Variants in FRYL observed in about 807,000 individuals in gnomAD.
The protein encoded by FRYL is protein furry homolog-like.
FRYL carries 150 observed loss-of-function variants against 351.2 expected under a neutral mutation model. The observed-to-expected ratio is 0.43, with a 90% CI of 0.37 to 0.49. The LOEUF is 0.49. Ranked by LOEUF, FRYL falls within the 20% of genes least tolerant of loss-of-function variation. The pLI is 0.00. For synonymous variants in FRYL, 1,153 were observed against 1,257.1 expected (o/e 0.92, Z 1.75); for missense variants, 3,036 against 3,619.3 (o/e 0.84, Z 4.13).
intron 7 of FRYL, among the ~76,000 whole-genome samples, chr4:48,612,714 G>C (rs1184919206): frequency 6.6e-6 from 1 of 151,834 alleles, no homozygotes; most frequent in Non-Finnish European, 1.5e-5. Flanking sequence ...AAGTAGCTGG[G>C]ACTACAGGCG....
chr4:48,764,145 G>A (rs1774703765), intron 1 of FRYL, among the ~76,000 whole-genome samples: 1 of 152,180 alleles, frequency 6.6e-6, no homozygotes, highest in South Asian at 2.1e-4. Flanking sequence ...ACTCCAGCCT[G>A]TGTGACAGAG....
intron 3 of FRYL, among the ~76,000 whole-genome samples, chr4:48,684,230 AC>A (rs1764940955): frequency 6.6e-6 from 1 of 152,172 alleles, no homozygotes; most frequent in Non-Finnish European, 1.5e-5. Context: ...ATGTCTCTCT[AC>A]CCAAAAAGCT....
At chr4:48,552,517 A>C (rs1317459670) in intron 36 of FRYL, among the ~76,000 whole-genome samples, 5 of 152,198 alleles carry the variant, frequency 3.3e-5, no homozygotes, top group Non-Finnish European at 5.9e-5. Context: ...TTATCAACAC[A>C]AAACAGCAAT....
chr4:48,503,597 A>C (rs1484497252), intron 60 of FRYL, among the ~76,000 whole-genome samples: 4 of 152,228 alleles, frequency 2.6e-5, no homozygotes, highest in Non-Finnish European at 2.9e-5. Flanking sequence ...TACGAGGAGA[A>C]TGACTTCTAA....
rs1220109116 is a variant in FRYL, at chr4:48,498,565, CAT to C, written c.*855_*856del. 6.6e-6 allele frequency: 1 copy of C among 152,568 alleles called. No individual in the cohort carries two copies. Among genetic ancestry groups the C allele is most frequent in the Non-Finnish European group, 1.5e-5 (1 of 68,024 alleles). 9.5% of individuals were successfully genotyped at this position (152,568 alleles called of 1,614,324 possible). On this transcript the variant is annotated 3_prime_UTR_variant, in exon 64 of 64. Coordinates refer to ENST00000358350, the MANE Select transcript of FRYL (RefSeq NM_015030.2). ...TTTGGTTAGTTATCAACAATCATAACATAAGCACTGATCAGAGAACTGAGCAG... is the reference window on the plus strand; with the variant it reads ...TTTGGTTAGTTATCAACAATCATAACAAGCACTGATCAGAGAACTGAGCAG...
chr4:48,540,995 C>T, intron 45 of FRYL, 35 bp from the exon 46 acceptor site: 15 of 1,457,214 alleles, frequency 1.0e-5, no homozygotes, highest in Non-Finnish European at 1.4e-5. Context: ...AATGCATACC[C>T]AGTCACTTCT....
intron 1 of FRYL, among the ~76,000 whole-genome samples, chr4:48,751,590 C>T (rs1773255445): frequency 6.6e-6 from 1 of 152,070 alleles, no homozygotes; most frequent in African/African-American, 2.4e-5. Flanking sequence ...AAAAAGAAGT[C>T]CCAGAATGGC....
chr4:48,717,044 T>G (rs997835980), intron 1 of FRYL, among the ~76,000 whole-genome samples: 9 of 145,134 alleles, frequency 6.2e-5, no homozygotes, highest in African/African-American at 2.3e-4. Flanking sequence ...ACACCACATA[T>G]TCTCACTCTT....
At chr4:48,514,935 A>C (rs1173888577) in intron 56 of FRYL, 93 bp downstream of exon 56, 1 of 1,076,584 alleles carries the variant, frequency 9.3e-7, no homozygotes, top group Non-Finnish European at 1.3e-6. Context: ...CAAAGAAATG[A>C]AAGTAAGTAA....
intron 1 of FRYL, among the ~76,000 whole-genome samples, chr4:48,774,931 A>C (rs1456898456): frequency 6.6e-6 from 1 of 152,250 alleles, no homozygotes; most frequent in Non-Finnish European, 1.5e-5. Context: ...TGAGCTTAAA[A>C]GAATGTATTA....
At chr4:48,569,359 T>C (rs1386070318) in intron 27 of FRYL, among the ~76,000 whole-genome samples, 1 of 152,206 alleles carries the variant, frequency 6.6e-6, no homozygotes, top group Admixed American at 6.5e-5. Flanking sequence ...CAGGCTGAAG[T>C]GCAATGGCAC....
At chr4:48,667,666 G>A (rs1761969889) in intron 3 of FRYL, among the ~76,000 whole-genome samples, 1 of 150,736 alleles carries the variant, frequency 6.6e-6, no homozygotes. Context: ...TTTTTTTTTG[G>A]AGACAGGATC....
At chr4:48,598,381 A>C (rs1745035647) in intron 13 of FRYL, among the ~76,000 whole-genome samples, 1 of 152,192 alleles carries the variant, frequency 6.6e-6, no homozygotes, top group African/African-American at 2.4e-5. Context: ...TTCACAGTGC[A>C]TGCCTGTATC....
rs544321577 is a variant in FRYL at position 48,583,043 on chromosome 4, GTTATC to G, written c.1749-314_1749-310del. 9.0e-4 allele frequency among the ~76,000 whole-genome samples: 137 copies of G among 152,040 alleles called. 1 individual carries two copies. The highest frequency in any genetic ancestry group is 3.2e-3 in the African/African-American group (132 of 41,462). The stretch of plus-strand genomic sequence containing the variant: ...CCTTTAATCCTTAAAATACTGTATT[GTTATC>G]TTATAATCAATCAAAAATGATATCT... On this transcript the variant is annotated intron_variant, in intron 19 of 63. Coordinates refer to ENST00000358350, the MANE Select transcript of FRYL (RefSeq NM_015030.2).
At chr4:48,707,217 T>G (rs1245252320) in intron 2 of FRYL, among the ~76,000 whole-genome samples, 1 of 152,234 alleles carries the variant, frequency 6.6e-6, no homozygotes, top group Non-Finnish European at 1.5e-5. Context: ...GCATCATGAT[T>G]TTTTTATAAT....
intron 59 of FRYL, among the ~76,000 whole-genome samples, 171 bp downstream of exon 59, chr4:48,509,888 C>G (rs1213273983): frequency 6.6e-6 from 1 of 152,102 alleles, no homozygotes; most frequent in African/African-American, 2.4e-5. Flanking sequence ...TTTTTAAAAG[C>G]CAAAGGTAGG....
intron 59 of FRYL, among the ~76,000 whole-genome samples, chr4:48,506,765 T>C (rs1721156456): frequency 6.6e-6 from 1 of 151,306 alleles, no homozygotes; most frequent in Non-Finnish European, 1.5e-5. Context: ...TATTGTAGCT[T>C]ATGTTGTACC....
chr4:48,761,219 G>GA (rs1202019073), intron 1 of FRYL, among the ~76,000 whole-genome samples: 7 of 152,098 alleles, frequency 4.6e-5, no homozygotes, highest in African/African-American at 1.7e-4. Flanking sequence ...AGGCTTTGGT[G>GA]AATGAGAAGA....
intron 59 of FRYL, 39 bp downstream of exon 59, chr4:48,510,020 G>C (rs1722142924): frequency 2.1e-6 from 3 of 1,405,056 alleles, no homozygotes; most frequent in Middle Eastern, 3.5e-4. Context: ...CCAGTGTCAA[G>C]AGCAAACCAC....
Sources: gnomAD v4.1 joint callset for allele counts (sites outside exome capture counted in the v4.1 genomes callset) on GRCh38, gnomAD v4.1.1 for gene constraint, MANE v1.5 for transcripts, NCBI Gene and HGNC (gene_info 2026-07-23, HGNC 2026-07-21) for gene names.